KLHDC8A: variants seen among roughly 807,000 people sequenced by gnomAD.
KLHDC8A encodes kelch domain-containing protein 8A.
KLHDC8A carries 21 observed loss-of-function variants against 33.1 expected under a neutral mutation model. That is an observed-to-expected ratio of 0.64 (90% CI 0.45 to 0.91). KLHDC8A has a LOEUF of 0.91. KLHDC8A is among the 40% of genes least tolerant of loss of function. The pLI is 0.00. For missense variants in KLHDC8A, 435 were observed against 483.3 expected (o/e 0.90, Z 0.94); for synonymous variants, 173 against 193.5 (o/e 0.89, Z 0.88).
intron 5 of KLHDC8A, among the ~76,000 whole-genome samples, chr1:205,337,794 C>T (rs924859722): frequency 6.6e-6 from 1 of 152,108 alleles, no homozygotes; most frequent in Non-Finnish European, 1.5e-5. Context: ...CTTCCTGTCT[C>T]TTTAAGAGTA....
chr1:205,345,306 A>G (rs1038562401), intron 1 of KLHDC8A, among the ~76,000 whole-genome samples: 4 of 152,220 alleles, frequency 2.6e-5, no homozygotes, highest in Admixed American at 2.0e-4. Context: ...TAGAGTTTTA[A>G]TTTTGAGAAA....
In KLHDC8A at chr1:205,339,997, T is replaced by G. The variant is rs1662748420; in HGVS notation, c.377-189A>C. 2.5e-6 allele frequency: 1 copy of G among 405,860 alleles called. No individual in the cohort carries two copies. Among genetic ancestry groups the G allele is most frequent in the Non-Finnish European group, 4.3e-6 (1 of 230,840 alleles). 25.1% of individuals were successfully genotyped at this position (405,860 alleles called of 1,614,324 possible). A position where few individuals can be genotyped will look rare whatever the true frequency, so the allele number is the denominator to read the frequency against. On this transcript the variant is annotated intron_variant, in intron 2 of 5. Transcript: ENST00000367155. This position sits in a 1 kb window ranked among gnomAD's most constrained non-coding sequence, Gnocchi z 5.1. ...TTCCTGCTATAGCTAAGCCTGAGAG[T>G]CTGTTTCTTTTTTTTTATTTTTATT...
intron 2 of KLHDC8A, among the ~76,000 whole-genome samples, chr1:205,341,662 T>C (rs1662792279): frequency 6.6e-6 from 1 of 152,084 alleles, no homozygotes; most frequent in South Asian, 2.1e-4. Context: ...TTTTTCTTTT[T>C]TTTTTTGATA....
intron 1 of KLHDC8A, among the ~76,000 whole-genome samples, chr1:205,346,561 G>A (rs995564523): frequency 3.3e-5 from 5 of 150,752 alleles, no homozygotes; most frequent in Admixed American, 1.3e-4. Context: ...GCCCTTGCAC[G>A]TCCATTTTCT....
chr1:205,339,446 G>A lies in KLHDC8A; in HGVS notation c.542-37C>T. The stretch of plus-strand genomic sequence containing the variant: ...AGCAGGATAGAGGTTGGGCAGAAGG[G>A]TTGTCCCTGAGGACAGCGACAGTGA... On this transcript the variant is annotated intron_variant, in intron 3 of 5. Coordinates refer to ENST00000367155, the MANE Select transcript of KLHDC8A (RefSeq NM_018203.3). The surrounding 1 kb of genome is among the most constrained non-coding windows in gnomAD (Gnocchi z 5.1). 2 of 1,586,028 alleles carry A rather than the reference G, an allele frequency of 1.3e-6. No homozygotes were observed. Among genetic ancestry groups the A allele is most frequent in the South Asian group, 1.1e-5 (1 of 89,782 alleles).
intron 5 of KLHDC8A, among the ~76,000 whole-genome samples, 190 bp from the exon 6 acceptor site, chr1:205,337,782 G>A (rs549201814): frequency 1.8e-4 from 28 of 152,054 alleles, no homozygotes; most frequent in South Asian, 6.2e-4. Context: ...CCCTCCTACC[G>A]TCTTCCTGTC....
At chr1:205,337,645 T>C (rs1662672810) in intron 5 of KLHDC8A, 53 bp from the exon 6 acceptor site, 29 of 1,392,186 alleles carry the variant, frequency 2.1e-5, no homozygotes, top group South Asian at 2.6e-5. Context: ...CACCAATCCA[T>C]GCCCCACGGT....
At chr1:205,345,519 C>T (rs1390576108) in intron 1 of KLHDC8A, among the ~76,000 whole-genome samples, 1 of 152,140 alleles carries the variant, frequency 6.6e-6, no homozygotes, top group Non-Finnish European at 1.5e-5. Flanking sequence ...AGGCAGATCA[C>T]TTGAGGTCAG....
chr1:205,339,824 A>G lies in KLHDC8A; in HGVS notation c.377-16T>C, dbSNP rs769620435. The G allele has an allele frequency of 1.2e-6, 2 of 1,611,202 alleles. No homozygotes were observed. The highest frequency in any genetic ancestry group is 1.1e-5 in the South Asian group (1 of 90,902). On this transcript the variant is annotated splice_polypyrimidine_tract_variant and intron_variant, in intron 2 of 5. Transcript: ENST00000367155. The surrounding 1 kb of genome is among the most constrained non-coding windows in gnomAD (Gnocchi z 5.1). ...ACTCGGTAATCTAAGAAGAAAGGCC[A>G]TACATGCCCCTGGCTTAGCTCACAG...
intron 1 of KLHDC8A, among the ~76,000 whole-genome samples, chr1:205,348,084 A>C (rs1329823513): frequency 1.3e-5 from 2 of 152,124 alleles, no homozygotes; most frequent in Non-Finnish European, 2.9e-5. Context: ...ATTTACATAC[A>C]ATGAAATGCA....
intron 5 of KLHDC8A, among the ~76,000 whole-genome samples, chr1:205,338,270 C>T (rs1662688770): frequency 6.6e-6 from 1 of 152,190 alleles, no homozygotes; most frequent in South Asian, 2.1e-4. Flanking sequence ...ATTCTCTCTG[C>T]GTCACAGTTT....
intron 1 of KLHDC8A, among the ~76,000 whole-genome samples, chr1:205,351,787 C>T (rs958359879): frequency 3.0e-4 from 45 of 151,842 alleles, no homozygotes; most frequent in Admixed American, 5.2e-4. Context: ...GGGATGGTGG[C>T]GCATGCCTGT....
In KLHDC8A at chr1:205,339,369, G is replaced by A; in HGVS notation, c.582C>T (p.Val194=). ...QSKYAVNAFE[V]FDIETRSWTK... ...TCCAGGAGCGAGTCTCGATGTCAAA[G>A]ACCTCGAAAGCGTTGACCGCGTACT... Residue 194 remains valine (V), a synonymous_variant, in exon 4 of 6, where the codon GTC becomes GTT. Transcript: ENST00000367155. The surrounding 1 kb of genome is among the most constrained non-coding windows in gnomAD (Gnocchi z 5.1). The A allele has an allele frequency of 6.2e-7, 1 of 1,614,194 alleles. No individual in the cohort carries two copies. Among genetic ancestry groups the A allele is most frequent in the East Asian group, 2.2e-5 (1 of 44,876 alleles).
chr1:205,349,188 G>A (rs1225941060), intron 1 of KLHDC8A, among the ~76,000 whole-genome samples: 1 of 152,228 alleles, frequency 6.6e-6, no homozygotes, highest in Non-Finnish European at 1.5e-5. Flanking sequence ...ACCAGGATCT[G>A]TATGTGATCA....
At chr1:205,340,283 G>C (rs534490281) in intron 2 of KLHDC8A, among the ~76,000 whole-genome samples, 4 of 152,148 alleles carry the variant, frequency 2.6e-5, no homozygotes, top group Admixed American at 6.5e-5. Context: ...CCAAAGTGCT[G>C]GGATTGCAGG....
intron 2 of KLHDC8A, among the ~76,000 whole-genome samples, chr1:205,342,267 G>A (rs1241807643): frequency 6.6e-6 from 1 of 152,104 alleles, no homozygotes; most frequent in African/African-American, 2.4e-5. Context: ...CATTTACTGA[G>A]GCCTGGGATG....
intron 1 of KLHDC8A, among the ~76,000 whole-genome samples, chr1:205,355,174 CTTG>C (rs987075463): frequency 7.2e-5 from 11 of 152,330 alleles, no homozygotes; most frequent in African/African-American, 2.4e-4. Flanking sequence ...AATCTTGGCC[CTTG>C]TCCTCAAGAT....
intron 1 of KLHDC8A, among the ~76,000 whole-genome samples, chr1:205,353,354 T>C (rs1260779244): frequency 6.6e-6 from 1 of 152,158 alleles, no homozygotes; most frequent in Non-Finnish European, 1.5e-5. Flanking sequence ...CTCATTTACG[T>C]GTTGTCTATG....
At chr1:205,340,930 T>C (rs1055069332) in intron 2 of KLHDC8A, among the ~76,000 whole-genome samples, 1 of 152,162 alleles carries the variant, frequency 6.6e-6, no homozygotes, top group Non-Finnish European at 1.5e-5. Flanking sequence ...GCCAGCCCCA[T>C]TGGGGAATGC....
Sources: allele counts gnomAD v4.1 joint callset (sites outside exome capture counted in the v4.1 genomes callset), GRCh38; gene constraint gnomAD v4.1.1; non-coding constraint Gnocchi (gnomAD v3.1); transcripts MANE v1.5; gene names NCBI Gene and HGNC (gene_info 2026-07-23, HGNC 2026-07-21).